Variants in PTPRQ observed in about 807,000 individuals in gnomAD.
The protein encoded by PTPRQ is protein tyrosine phosphatase receptor type Q.
Under a neutral mutation model 246.0 loss-of-function variants are expected in PTPRQ, and 199 were observed. The observed-to-expected ratio is 0.81, with a 90% CI of 0.72 to 0.91. The LOEUF (loss-of-function observed/expected upper bound fraction) is 0.91. PTPRQ is among the 40% of genes least tolerant of loss of function. The pLI is 0.00. For synonymous variants in PTPRQ, 869 were observed against 853.2 expected, an observed-to-expected ratio of 1.02 and a Z score of -0.32; for missense variants, 2,624 against 2,528.4, an observed-to-expected ratio of 1.04 and a Z score of -0.81.
At chr12:80,598,991 G>A (rs1231912007) in intron 26 of PTPRQ, among the ~76,000 whole-genome samples, 1 of 151,924 alleles carries the variant, frequency 6.6e-6, no homozygotes, top group Non-Finnish European at 1.5e-5. Flanking sequence ...TAAAAGTATA[G>A]TATCAGGCAC....
intron 33 of PTPRQ, among the ~76,000 whole-genome samples, chr12:80,623,929 T>C (rs541246208): frequency 1.3e-5 from 2 of 152,294 alleles, no homozygotes; most frequent in South Asian, 4.1e-4. Flanking sequence ...CTCTGCCCAA[T>C]GATGGCCTCA....
At chr12:80,485,880 C>CT (rs371659111) in intron 9 of PTPRQ, among the ~76,000 whole-genome samples, 52 of 150,972 alleles carry the variant, frequency 3.4e-4, no homozygotes, top group East Asian at 9.8e-4. Flanking sequence ...TCTAGAAAGG[C>CT]TTTTTTTTTG....
In PTPRQ at chr12:80,608,042, A is replaced by G. The variant is rs554195893; in HGVS notation, c.4732-2397A>G. ...AATTAAAGTTCCTGTTATGGGAGGA[A>G]TAGAAGATAAAGGAGACTTCATAGA... On this transcript the variant is annotated intron_variant, in intron 27 of 44. Coordinates refer to ENST00000644991, the MANE Select transcript of PTPRQ (RefSeq NM_001145026.2). 1.6e-3 allele frequency among the ~76,000 whole-genome samples: 244 copies of G among 150,938 alleles called. 1 individual carries two copies. The highest frequency in any genetic ancestry group is 5.7e-3 in the African/African-American group (234 of 41,402).
chr12:80,641,847 CTCTT>C (rs1208515174), intron 35 of PTPRQ, among the ~76,000 whole-genome samples: 2 of 151,826 alleles, frequency 1.3e-5, no homozygotes, highest in Admixed American at 6.6e-5. Flanking sequence ...TTCTCCTTCT[CTCTT>C]TCTCTCTCTC....
At chr12:80,446,599 T>A (rs1392502156) in intron 3 of PTPRQ, among the ~76,000 whole-genome samples, 1 of 151,854 alleles carries the variant, frequency 6.6e-6, no homozygotes, top group African/African-American at 2.4e-5. Flanking sequence ...CCCTCCCCAT[T>A]TTTGAAATCC....
rs900310193 is a variant in PTPRQ at position 80,474,996 on chromosome 12, T to C, written c.1186+2745T>C. ...AACTTTGTGTTTTCAGGATTTGCAA[T>C]GGCTTTAATTTTTACTACTTGTTTT... On this transcript the variant is annotated intron_variant, in intron 8 of 44. Transcript: ENST00000644991. Among the ~76,000 whole-genome samples the C allele has an allele frequency of 3.9e-5, 6 of 152,300 alleles. 1 individual carries two copies. Among genetic ancestry groups the C allele is most frequent in the Admixed American group, 3.9e-4 (6 of 15,298 alleles).
Position 80,657,971 on chromosome 12 carries a change from A to G in PTPRQ, c.6116-14A>G. On this transcript the variant is annotated splice_polypyrimidine_tract_variant and intron_variant, in intron 38 of 44. Coordinates refer to ENST00000644991, the MANE Select transcript of PTPRQ (RefSeq NM_001145026.2). Reference sequence around the variant, plus strand: ...AAAAGCCAATTAACATTGATTCCTTATATTTTCTTCTAGATAATAATAACA... The same window carrying G: ...AAAAGCCAATTAACATTGATTCCTTGTATTTTCTTCTAGATAATAATAACA... 1 of 1,392,406 alleles carries G rather than the reference A, an allele frequency of 7.2e-7. No homozygotes were observed. Among genetic ancestry groups the G allele is most frequent in the South Asian group, 1.8e-5 (1 of 56,548 alleles). 86.3% of individuals were successfully genotyped at this position (1,392,406 alleles called of 1,614,324 possible). A position where few individuals can be genotyped will look rare whatever the true frequency, so the allele number is the denominator to read the frequency against.
At chr12:80,634,746 A>C (rs1259295975) in intron 34 of PTPRQ, 199 bp from the exon 35 acceptor site, 3 of 713,098 alleles carry the variant, frequency 4.2e-6, no homozygotes, top group Non-Finnish European at 6.0e-6. Context: ...TTATTAGAAA[A>C]AAAAGAAAGT....
rs1369251900 is a variant in PTPRQ at position 80,605,236 on chromosome 12, A to C, written c.4731+56A>C. ...AGTATAAAATGGTTAATAATACAAG[A>C]TTTGGAACCAGACTATTTGAATTTG... On this transcript the variant is annotated intron_variant, in intron 27 of 44. Coordinates refer to ENST00000644991, the MANE Select transcript of PTPRQ (RefSeq NM_001145026.2). 11 of 1,514,642 alleles carry C rather than the reference A, an allele frequency of 7.3e-6. No individual in the cohort carries two copies. The Admixed American group carries it at 1.7e-4, about 24-fold the overall frequency. The allele number at this position is 1,514,642 out of a possible 1,614,324, so 93.8% of individuals were successfully genotyped here. A position where few individuals can be genotyped will look rare whatever the true frequency, so the allele number is the denominator to read the frequency against.
chr12:80,568,957 GTTAC>G (rs1897058712), intron 25 of PTPRQ, among the ~76,000 whole-genome samples: 1 of 152,134 alleles, frequency 6.6e-6, no homozygotes, highest in African/African-American at 2.4e-5. Flanking sequence ...GAAGACAGGT[GTTAC>G]TTAACTAAAC....
chr12:80,536,800 C>T (rs1274328012), intron 19 of PTPRQ, among the ~76,000 whole-genome samples: 1 of 152,122 alleles, frequency 6.6e-6, no homozygotes. Context: ...TCATTATACC[C>T]ATAGAAGATA....
chr12:80,639,495 A>G (rs1899779414), intron 35 of PTPRQ, among the ~76,000 whole-genome samples: 1 of 152,152 alleles, frequency 6.6e-6, no homozygotes, highest in South Asian at 2.1e-4. Context: ...TCAAAGCCCA[A>G]TCCAATAATC....
chr12:80,472,100 T>A lies in PTPRQ; in HGVS notation c.1040-5T>A. Reference sequence around the variant, plus strand: ...TAATCCATAGCTATCTTCCACTTTTTGCAGGTCGCATTTTGGATAACAGCA... The same window carrying A: ...TAATCCATAGCTATCTTCCACTTTTAGCAGGTCGCATTTTGGATAACAGCA... On this transcript the variant is annotated splice_polypyrimidine_tract_variant and splice_region_variant and intron_variant, in intron 7 of 44. Coordinates refer to ENST00000644991, the MANE Select transcript of PTPRQ (RefSeq NM_001145026.2). 1 of 1,551,000 alleles carries A rather than the reference T, an allele frequency of 6.4e-7. No homozygotes were observed. Among genetic ancestry groups the A allele is most frequent in the Non-Finnish European group, 8.7e-7 (1 of 1,146,776 alleles).
intron 6 of PTPRQ, among the ~76,000 whole-genome samples, chr12:80,463,523 A>G (rs1442443256): frequency 1.3e-5 from 2 of 152,148 alleles, no homozygotes; most frequent in East Asian, 3.9e-4. Context: ...AGAATGCCAC[A>G]AAGATACTCC....
intron 37 of PTPRQ, among the ~76,000 whole-genome samples, chr12:80,650,485 C>A (rs889868941): frequency 1.3e-5 from 2 of 151,846 alleles, no homozygotes; most frequent in Non-Finnish European, 2.9e-5. Context: ...AACATTATTT[C>A]TATTTTATTT....
Position 80,506,660 on chromosome 12 carries a change from G to A in PTPRQ, c.2547G>A (p.Thr849=), listed in dbSNP as rs368115315. 8.1e-5 allele frequency: 124 copies of A among 1,539,428 alleles called. 1 individual carries two copies. In the African/African-American group the frequency reaches 1.3e-3, roughly 16 times the overall value. The change falls in exon 16 of 45, where the codon ACG becomes ACA. Residue 849 remains threonine (T), a synonymous_variant. Transcript: ENST00000644991. ...GGAGTGCTCCCATAAGTATACTGACGGAGGAAGATGGTAAATATAATAGTG... is the reference window on the plus strand; with the variant it reads ...GGAGTGCTCCCATAAGTATACTGACAGAGGAAGATGGTAAATATAATAGTG... ...GVRSAPISIL[T]EEDAPDSPPQ...
chr12:80,508,184 G>A (rs1230992199), intron 16 of PTPRQ, among the ~76,000 whole-genome samples: 4 of 151,924 alleles, frequency 2.6e-5, no homozygotes, highest in African/African-American at 7.2e-5. Context: ...AAGGAACAGG[G>A]TAAAGAACAA....
In PTPRQ at chr12:80,679,492, GT is replaced by G. The variant is rs968350320; in HGVS notation, c.*473del. On this transcript the variant is annotated 3_prime_UTR_variant, in exon 45 of 45. Coordinates refer to ENST00000644991, the MANE Select transcript of PTPRQ (RefSeq NM_001145026.2). ...TCTGTACTTCCATGTACACCCCTGT[GT>G]TTTGAATCCTCTGTTTTATGAGTGC... 4 of 152,542 alleles carry G rather than the reference GT, an allele frequency of 2.6e-5. No homozygotes were observed. Among genetic ancestry groups the G allele is most frequent in the Non-Finnish European group, 4.4e-5 (3 of 68,424 alleles). 9.4% of individuals were successfully genotyped at this position (152,542 alleles called of 1,614,324 possible).
chr12:80,657,280 A>G (rs1179251211), intron 38 of PTPRQ, among the ~76,000 whole-genome samples: 2 of 151,906 alleles, frequency 1.3e-5, no homozygotes, highest in African/African-American at 2.4e-5. Context: ...AGGAAATCAA[A>G]ATAAATATTA....
Sources: gnomAD v4.1 joint callset for allele counts (sites outside exome capture counted in the v4.1 genomes callset) on GRCh38, gnomAD v4.1.1 for gene constraint, MANE v1.5 for transcripts, NCBI Gene and HGNC (gene_info 2026-07-23, HGNC 2026-07-21) for gene names.